Variants in TCEAL2 observed in about 807,000 individuals in gnomAD.
The protein encoded by TCEAL2 is transcription elongation factor A protein-like 2.
For missense variants in TCEAL2, 169 were observed against 166.6 expected, an observed-to-expected ratio of 1.01 and a Z score of -0.08; for synonymous variants, 65 against 57.9, an observed-to-expected ratio of 1.12 and a Z score of -0.55.
intron 2 of TCEAL2, 60 bp from the exon 3 acceptor site, chrX:102,126,744 A>C: frequency 9.6e-7 from 1 of 1,039,278 alleles, no homozygotes; most frequent in South Asian, 2.3e-5. Context: ...ATTCCACCCC[A>C]TGCCCTCAGT....
At chrX:102,126,704 G>A (rs1932896260) in intron 2 of TCEAL2, 100 bp from the exon 3 acceptor site, 7 of 840,897 alleles carry the variant, frequency 8.3e-6, no homozygotes, top group Non-Finnish European at 1.2e-5. Context: ...CCCTCACCAG[G>A]GGTGAGATGC....
Sources: allele counts gnomAD v4.1 joint callset, GRCh38; gene constraint gnomAD v4.1.1; transcripts MANE v1.5; gene names NCBI Gene and HGNC (gene_info 2026-07-23, HGNC 2026-07-21).